SMARCAD1: variants seen among roughly 807,000 people sequenced by gnomAD.
The protein encoded by SMARCAD1 is SNF2 related chromatin remodeling ATPase with DExD box 1.
A neutral mutation model predicts 127.1 loss-of-function variants in SMARCAD1; 25 were observed. That is an observed-to-expected ratio of 0.20 (90% CI 0.14 to 0.27). SMARCAD1 has a LOEUF of 0.27. SMARCAD1 is among the 10% of genes least tolerant of loss of function. The pLI is 1.00. For synonymous variants in SMARCAD1, 400 were observed against 396.9 expected (o/e 1.01, Z -0.09); for missense variants, 807 against 1,206.0 (o/e 0.67, Z 4.90).
At chr4:94,234,377 T>A (rs1160043353) in intron 4 of SMARCAD1, among the ~76,000 whole-genome samples, 7 of 152,190 alleles carry the variant, frequency 4.6e-5, no homozygotes, top group Non-Finnish European at 7.4e-5. Context: ...TTTTTTTGTG[T>A]TTGAATGTTT....
At chr4:94,231,401 CT>C (rs1441899547) in intron 3 of SMARCAD1, among the ~76,000 whole-genome samples, 1 of 152,130 alleles carries the variant, frequency 6.6e-6, no homozygotes, top group African/African-American at 2.4e-5. Context: ...GAAGGAACTT[CT>C]TTATCTGAGA....
At chr4:94,270,289 GTATT>G (rs1359339251) in intron 10 of SMARCAD1, among the ~76,000 whole-genome samples, 1 of 152,000 alleles carries the variant, frequency 6.6e-6, no homozygotes, top group Non-Finnish European at 1.5e-5. Flanking sequence ...CATTCAGAAA[GTATT>G]TATTAAACCT....
rs1395015405 is a variant in SMARCAD1 at position 94,281,603 on chromosome 4, C to G, written c.2726+13C>G. On this transcript the variant is annotated intron_variant, in intron 21 of 23. Coordinates refer to ENST00000354268, the MANE Select transcript of SMARCAD1 (RefSeq NM_020159.5). The stretch of plus-strand genomic sequence containing the variant: ...AGATTTCTGAAAGGTTGGTATAATT[C>G]ATGTTAGTTACAAAAAAATAACTCA... 6 of 1,456,286 alleles carry G rather than the reference C, an allele frequency of 4.1e-6. No individual in the cohort carries two copies. The highest frequency in any genetic ancestry group is 4.8e-6 in the Non-Finnish European group (5 of 1,037,144). The allele number at this position is 1,456,286 out of a possible 1,614,324, so 90.2% of individuals were successfully genotyped here. A position where few individuals can be genotyped will look rare whatever the true frequency, so the allele number is the denominator to read the frequency against.
intron 9 of SMARCAD1, among the ~76,000 whole-genome samples, chr4:94,259,400 C>T (rs944136832): frequency 2.0e-5 from 3 of 152,136 alleles, no homozygotes; most frequent in African/African-American, 7.2e-5. Flanking sequence ...AAAAAACTGT[C>T]TACTGCTGTT....
chr4:94,259,598 T>A (rs1384273207), intron 9 of SMARCAD1, among the ~76,000 whole-genome samples: 1 of 152,104 alleles, frequency 6.6e-6, no homozygotes, highest in African/African-American at 2.4e-5. Context: ...CAGTTAAAAA[T>A]CTCATAACCA....
intron 8 of SMARCAD1, 93 bp from the exon 9 acceptor site, chr4:94,252,523 A>T: frequency 1.2e-6 from 1 of 813,234 alleles, no homozygotes; most frequent in Non-Finnish European, 1.9e-6. Context: ...TGTATTCAAT[A>T]GGAATAGGTA....
At chr4:94,210,929 C>CAA (rs747690168) in intron 2 of SMARCAD1, among the ~76,000 whole-genome samples, 730 of 56,864 alleles carry the variant, frequency 0.013, 35 homozygotes, top group African/African-American at 0.045. Flanking sequence ...GACTGTATCT[C>CAA]AAAAAAAAAA....
intron 11 of SMARCAD1, among the ~76,000 whole-genome samples, chr4:94,272,039 A>C (rs180753952): frequency 6.6e-6 from 1 of 152,226 alleles, no homozygotes; most frequent in African/African-American, 2.4e-5. Context: ...ACAGTCCAAG[A>C]TGAGTGTATC....
At chr4:94,279,922 T>C (rs13135767) in intron 19 of SMARCAD1, among the ~76,000 whole-genome samples, 86,052 of 151,492 alleles carry the variant, frequency 0.57, 24,628 homozygotes, top group East Asian at 0.72. Flanking sequence ...TGGAGTGCGA[T>C]GGCATGATCT....
intron 10 of SMARCAD1, among the ~76,000 whole-genome samples, chr4:94,265,289 C>G (rs1447767291): frequency 6.6e-6 from 1 of 151,928 alleles, no homozygotes; most frequent in Non-Finnish European, 1.5e-5. Flanking sequence ...CGTAAAACCT[C>G]CTTTCCTAGC....
rs1741477677 is a variant in SMARCAD1, at chr4:94,208,016, C to T, written c.-104C>T. 9 of 406,358 alleles carry T rather than the reference C, an allele frequency of 2.2e-5. No individual in the cohort carries two copies. Among genetic ancestry groups the T allele is most frequent in the Non-Finnish European group, 3.9e-5 (8 of 206,148 alleles). The allele number at this position is 406,358 out of a possible 1,614,324, so 25.2% of individuals were successfully genotyped here. On this transcript the variant is annotated 5_prime_UTR_variant, in exon 1 of 24. Coordinates refer to ENST00000354268, the MANE Select transcript of SMARCAD1 (RefSeq NM_020159.5). The stretch of plus-strand genomic sequence containing the variant: ...AGCACAGGGAGCTTCTCTTTGTGGG[C>T]GGGCGCGAGGCCCGCTAGGGGGTTA...
At chr4:94,253,189 T>G in intron 9 of SMARCAD1, 182 bp downstream of exon 9, 1 of 1,500,158 alleles carries the variant, frequency 6.7e-7, no homozygotes, top group Non-Finnish European at 9.0e-7. Context: ...GACCTAATTT[T>G]GAATGAATTA....
Position 94,258,219 on chromosome 4 carries a change from A to G in SMARCAD1, c.1281+5212A>G, listed in dbSNP as rs530819657. The stretch of plus-strand genomic sequence containing the variant: ...ACCCAGGCTGGAGTGCAGTGATGCG[A>G]TCTCAGCTCACTGCAATCTCTGCCT... On this transcript the variant is annotated intron_variant, in intron 9 of 23. Coordinates refer to ENST00000354268, the MANE Select transcript of SMARCAD1 (RefSeq NM_020159.5). 6.2e-4 allele frequency among the ~76,000 whole-genome samples: 94 copies of G among 150,596 alleles called. 1 individual carries two copies. Among genetic ancestry groups the G allele is most frequent in the Non-Finnish European group, 9.1e-4 (62 of 67,794 alleles).
chr4:94,289,557 T>C lies in SMARCAD1; in HGVS notation c.*23T>C. ...TGAAATAAGAACTGTGAACTCTCAA[T>C]TGATGAGGAAATATCAACTTGGTGC... On this transcript the variant is annotated 3_prime_UTR_variant, in exon 24 of 24. Transcript: ENST00000354268. 1 of 1,588,132 alleles carries C rather than the reference T, an allele frequency of 6.3e-7. No homozygotes were observed. Among genetic ancestry groups the C allele is most frequent in the Non-Finnish European group, 8.6e-7 (1 of 1,156,466 alleles).
intron 14 of SMARCAD1, among the ~76,000 whole-genome samples, chr4:94,275,898 C>T (rs565764268): frequency 6.7e-6 from 1 of 150,328 alleles, no homozygotes; most frequent in South Asian, 2.1e-4. Flanking sequence ...CCCGGGTTCA[C>T]GCCATTCTCC....
intron 14 of SMARCAD1, 53 bp from the exon 15 acceptor site, chr4:94,276,286 A>G (rs1172361851): frequency 6.2e-7 from 1 of 1,600,014 alleles, no homozygotes. Context: ...ATTTCACTAG[A>G]CTCCAAGCTC....
At position 94,290,115 on chromosome 4, in the gene SMARCAD1, G is replaced by T. The variant is rs1444708482; in HGVS notation, c.*581G>T. On this transcript the variant is annotated 3_prime_UTR_variant, in exon 24 of 24. Coordinates refer to ENST00000354268, the MANE Select transcript of SMARCAD1 (RefSeq NM_020159.5). Reference sequence around the variant, plus strand: ...CATTCCATATACTAACATCCCCCAGGTCCTCTCAAGTACTTCTGCTGAAAC... The same window carrying T: ...CATTCCATATACTAACATCCCCCAGTTCCTCTCAAGTACTTCTGCTGAAAC... 2 of 454,294 alleles carry T rather than the reference G, an allele frequency of 4.4e-6. No homozygotes were observed. The highest frequency in any genetic ancestry group is 3.1e-5 in the South Asian group (2 of 64,464). 28.1% of individuals were successfully genotyped at this position (454,294 alleles called of 1,614,324 possible).
chr4:94,256,668 CTTTG>C (rs1364305809), intron 9 of SMARCAD1, among the ~76,000 whole-genome samples: 2 of 152,096 alleles, frequency 1.3e-5, no homozygotes, highest in African/African-American at 4.8e-5. Context: ...TGGTCCTTTG[CTTTG>C]TTTAACTGGT....
intron 6 of SMARCAD1, 96 bp from the exon 7 acceptor site, chr4:94,249,555 GATA>G (rs1246019743): frequency 1.4e-6 from 1 of 732,956 alleles, no homozygotes; most frequent in Non-Finnish European, 2.5e-6. Flanking sequence ...GACTGATGAT[GATA>G]ATTTTCAGAT....
Sources: gnomAD v4.1 joint callset for allele counts (sites outside exome capture counted in the v4.1 genomes callset) on GRCh38, gnomAD v4.1.1 for gene constraint, MANE v1.5 for transcripts, NCBI Gene and HGNC (gene_info 2026-07-23, HGNC 2026-07-21) for gene names.